The following C1QB variants were observed in gnomAD, a reference collection of about 807,000 sequenced individuals.
C1QB encodes complement C1q B chain.
C1QB carries 2 observed loss-of-function variants against 4.6 expected under a neutral mutation model. That is an observed-to-expected ratio of 0.43 (90% CI 0.18 to 1.36). C1QB has a LOEUF of 1.36. C1QB is among the 40% of genes most tolerant of loss of function. The pLI is 0.28. For missense variants in C1QB, 292 were observed against 338.0 expected (o/e 0.86, Z 1.07); for synonymous variants, 132 against 137.1 (o/e 0.96, Z 0.26).
At chr1:22,658,864 G>GGGATGGATGGATGGACAGCA (rs1642566756) in intron 1 of C1QB, among the ~76,000 whole-genome samples, 2 of 146,386 alleles carry the variant, frequency 1.4e-5, no homozygotes, top group Non-Finnish European at 3.0e-5. Context: ...GAAGGATGGA[G>GGGATGGATGGATGGACAGCA]GGATGGATGG....
intron 1 of C1QB, among the ~76,000 whole-genome samples, chr1:22,656,105 G>A (rs1379316638): frequency 1.3e-5 from 2 of 152,142 alleles, no homozygotes; most frequent in Non-Finnish European, 2.9e-5. Flanking sequence ...TTAGTTCTTA[G>A]GGCTGAGTGA....
intron 1 of C1QB, among the ~76,000 whole-genome samples, chr1:22,654,981 G>T (rs1413085401): frequency 6.6e-6 from 1 of 152,138 alleles, no homozygotes; most frequent in Non-Finnish European, 1.5e-5. Flanking sequence ...AGATCCAGTG[G>T]ATGTGGGTTT....
Position 22,660,916 on chromosome 1 carries a change from A to G in C1QB, c.286A>G (p.Lys96Glu). 6.2e-7 allele frequency: 1 copy of G among 1,613,388 alleles called. No individual in the cohort carries two copies. Among genetic ancestry groups the G allele is most frequent in the Non-Finnish European group, 8.5e-7 (1 of 1,179,656 alleles). The change falls in exon 3 of 3, where the codon AAA (lysine) becomes GAA (glutamate). Residue 96 changes from lysine to glutamate, a missense_variant. Lys to Glu is a moderately conservative substitution (Grantham distance 56). Coordinates refer to ENST00000509305, the MANE Select transcript of C1QB (RefSeq NM_001378156.1). ...CGGCCCCAAGGGCCCCATGGGCCCT[A>G]AAGGTGGCCCAGGGGCCCCTGGAGC... ...KVGPKGPMGP[K>E]GGPGAPGAPG...
chr1:22,659,343 G>GAA (rs1642583927), intron 1 of C1QB, 97 bp from the exon 2 acceptor site: 2 of 1,004,614 alleles, frequency 2.0e-6, no homozygotes, highest in African/African-American at 3.8e-5. Flanking sequence ...TGGAGGAATA[G>GAA]AGAGATGGAT....
At chr1:22,655,798 G>A (rs943229194) in intron 1 of C1QB, among the ~76,000 whole-genome samples, 6 of 152,288 alleles carry the variant, frequency 3.9e-5, no homozygotes, top group South Asian at 4.1e-4. Context: ...GCCACTCTGG[G>A]AAGTAGGCAG....
In C1QB at chr1:22,657,166, G is replaced by T. The variant is rs891825229; in HGVS notation, c.-23-2274G>T. ...AGCCCCACTCCCCTCCCCAGAGGTT[G>T]GGGGGTGGGGCTGAGAGTAGACCCT... On this transcript the variant is annotated intron_variant, in intron 1 of 2. Transcript: ENST00000509305. Among the ~76,000 whole-genome samples, 165 of 152,234 alleles carry T rather than the reference G, an allele frequency of 1.1e-3. 1 individual carries two copies. Among genetic ancestry groups the T allele is most frequent in the African/African-American group, 3.8e-3 (158 of 41,544 alleles).
At chr1:22,656,130 C>A (rs1642528246) in intron 1 of C1QB, among the ~76,000 whole-genome samples, 1 of 152,158 alleles carries the variant, frequency 6.6e-6, no homozygotes, top group Non-Finnish European at 1.5e-5. Context: ...AACGTTTGTG[C>A]AGCAGGGGAG....
chr1:22,659,438 A>C lies in C1QB; in HGVS notation c.-23-2A>C. ...TAACCTCTCACATTGTCTTCTCCACAGGAGGCGTCTGACACAGTATGATGA... is the reference window on the plus strand; with the variant it reads ...TAACCTCTCACATTGTCTTCTCCACCGGAGGCGTCTGACACAGTATGATGA... On this transcript the variant is annotated splice_acceptor_variant, in intron 1 of 2. Transcript: ENST00000509305. LOFTEE classifies it low-confidence loss of function (5UTR_SPLICE). 1.9e-6 allele frequency: 3 copies of C among 1,613,842 alleles called. No homozygotes were observed. The highest frequency in any genetic ancestry group is 2.5e-6 in the Non-Finnish European group (3 of 1,179,924).
At chr1:22,660,181 C>T (rs1158898205) in intron 2 of C1QB, among the ~76,000 whole-genome samples, 1 of 152,132 alleles carries the variant, frequency 6.6e-6, no homozygotes, top group Non-Finnish European at 1.5e-5. Context: ...CCTTACAATC[C>T]CACAAAATAT....
At chr1:22,653,634 C>T (rs1201002132) in intron 1 of C1QB, among the ~76,000 whole-genome samples, 1 of 152,202 alleles carries the variant, frequency 6.6e-6, no homozygotes, top group Non-Finnish European at 1.5e-5. Context: ...CCTCTCTCAG[C>T]CCGGCCCCCC....
chr1:22,659,573 C>T lies in C1QB; in HGVS notation c.111C>T (p.Gly37=). The change falls in exon 2 of 3, where the codon GGC becomes GGT. Residue 37 remains glycine (G), a synonymous_variant. Coordinates refer to ENST00000509305, the MANE Select transcript of C1QB (RefSeq NM_001378156.1). ...GCACCGGGCCCCCAGCCATCCCTGG[C>T]ATCCCGGGTATCCCTGGGACACCTG... ...LSCTGPPAIP[G]IPGIPGTPGP... 1.9e-6 allele frequency: 3 copies of T among 1,614,044 alleles called. No individual in the cohort carries two copies. Among genetic ancestry groups the T allele is most frequent in the Non-Finnish European group, 2.5e-6 (3 of 1,179,954 alleles).
rs145761569 is a variant in C1QB at position 22,660,522 on chromosome 1, G to GC, written c.182-289dup. ...GACAGCACTCATTATCCCTGCTCTA[G>GC]CTGAAGAAGGACCCCCACACAAGCT... On this transcript the variant is annotated intron_variant, in intron 2 of 2. Coordinates refer to ENST00000509305, the MANE Select transcript of C1QB (RefSeq NM_001378156.1). Among the ~76,000 whole-genome samples the GC allele has an allele frequency of 9.8e-3, 1,495 of 152,220 alleles. 28 individuals are homozygous for GC. Among genetic ancestry groups the GC allele is most frequent in the African/African-American group, 0.035 (1,435 of 41,538 alleles).
At chr1:22,659,020 TGGAG>T (rs1364966917) in intron 1 of C1QB, among the ~76,000 whole-genome samples, 15 of 124,926 alleles carry the variant, frequency 1.2e-4, no homozygotes, top group African/African-American at 4.5e-4. Context: ...GATGCAGGGA[TGGAG>T]GGATAGAGAG....
rs1642619195 is a variant in C1QB at position 22,661,300 on chromosome 1, G to A, written c.670G>A (p.Ala224Thr). 4 of 1,613,974 alleles carry A rather than the reference G, an allele frequency of 2.5e-6. No individual in the cohort carries two copies. The highest frequency in any genetic ancestry group is 1.3e-5 in the African/African-American group (1 of 74,978). ...GCAGGGGGAGAACGTCTTCCTGCAG[G>A]CCACCGACAAGAACTCACTACTGGG... is the stretch of plus-strand genomic sequence containing the variant. ...LEQGENVFLQ[A>T]TDKNSLLGME... is the part of the protein sequence containing the mutation. The change falls in exon 3 of 3, where the codon GCC (alanine) becomes ACC (threonine). Residue 224 changes from alanine (A) to threonine (T), a missense_variant. Physicochemically the swap from Ala to Thr is moderately conservative, Grantham distance 58 (BLOSUM62 0). Coordinates refer to ENST00000509305, the MANE Select transcript of C1QB (RefSeq NM_001378156.1).
At chr1:22,654,838 C>T (rs757100121) in intron 1 of C1QB, among the ~76,000 whole-genome samples, 3 of 152,206 alleles carry the variant, frequency 2.0e-5, no homozygotes, top group Non-Finnish European at 4.4e-5. Flanking sequence ...CCACTTTCAC[C>T]GAACACTGAC....
chr1:22,659,586 C>T lies in C1QB; in HGVS notation c.124C>T (p.Pro42Ser). The T allele has an allele frequency of 6.2e-7, 1 of 1,613,952 alleles. No homozygotes were observed. The stretch of plus-strand genomic sequence containing the variant: ...AGCCATCCCTGGCATCCCGGGTATC[C>T]CTGGGACACCTGGCCCCGATGGCCA... Reference protein sequence around the residue: ...PPAIPGIPGIPGTPGPDGQPG... With the variant: ...PPAIPGIPGISGTPGPDGQPG... The change falls in exon 2 of 3, where the codon CCT becomes TCT. Residue 42 changes from proline to serine, a missense_variant. Transcript: ENST00000509305.
chr1:22,659,839 C>G (rs888541207), intron 2 of C1QB, among the ~76,000 whole-genome samples, 196 bp downstream of exon 2: 1 of 152,182 alleles, frequency 6.6e-6, no homozygotes, highest in Admixed American at 6.5e-5. Context: ...TCTAGAAAGT[C>G]TGCTGACTTA....
At position 22,660,982 on chromosome 1, in the gene C1QB, C is replaced by A. The variant is rs1317867558; in HGVS notation, c.352C>A (p.Gln118Lys). The A allele has an allele frequency of 1.2e-6, 2 of 1,613,894 alleles. No homozygotes were observed. Among genetic ancestry groups the A allele is most frequent in the Admixed American group, 3.3e-5 (2 of 60,012 alleles). Residue 118 changes from glutamine (Q) to lysine (K), a missense_variant, in exon 3 of 3, where the codon CAG becomes AAG. Gln to Lys is a moderately conservative substitution (Grantham distance 53, BLOSUM62 1). Transcript: ENST00000509305. ...TGAATCGGGAGACTACAAGGCCACC[C>A]AGAAAATCGCCTTCTCTGCCACAAG... ...KGESGDYKAT[Q>K]KIAFSATRTI...
Position 22,656,725 on chromosome 1 carries a change from A to G in C1QB, c.-23-2715A>G, listed in dbSNP as rs144888095. 6.2e-4 allele frequency among the ~76,000 whole-genome samples: 95 copies of G among 152,242 alleles called. 3 individuals carry two copies. The East Asian group carries it at 0.017, about 28-fold the overall frequency. On this transcript the variant is annotated intron_variant, in intron 1 of 2. Transcript: ENST00000509305. The stretch of plus-strand genomic sequence containing the variant: ...AGTTCTGACACTGTCTAGGAATAGC[A>G]TCAGACCCCACAGGCTGAGAGCTCA...
Sources: allele counts gnomAD v4.1 joint callset (sites outside exome capture counted in the v4.1 genomes callset), GRCh38; gene constraint gnomAD v4.1.1; transcripts MANE v1.5; gene names NCBI Gene and HGNC (gene_info 2026-07-23, HGNC 2026-07-21).